Variants in SLIT3 observed in about 807,000 individuals in gnomAD.
The protein encoded by SLIT3 is slit guidance ligand 3.
Under a neutral mutation model 184.0 loss-of-function variants are expected in SLIT3, and 68 were observed. That is an observed-to-expected ratio of 0.37 (90% CI 0.30 to 0.45). The LOEUF (loss-of-function observed/expected upper bound fraction) is 0.45, where lower values mean the gene tolerates loss of function less well. SLIT3 is among the 20% of genes least tolerant of loss of function. SLIT3 has a pLI of 1.00. For synonymous variants in SLIT3, 831 were observed against 828.6 expected, an observed-to-expected ratio of 1.00 and a Z score of -0.05; for missense variants, 1,707 against 2,026.0, an observed-to-expected ratio of 0.84 and a Z score of 3.02.
chr5:169,299,369 G>C (rs1231601695), intron 1 of SLIT3, among the ~76,000 whole-genome samples: 1 of 152,148 alleles, frequency 6.6e-6, no homozygotes, highest in Non-Finnish European at 1.5e-5. Flanking sequence ...ACACACTCTA[G>C]GACAATGCTT....
At chr5:169,285,538 G>A (rs1338841039) in intron 1 of SLIT3, among the ~76,000 whole-genome samples, 1 of 152,180 alleles carries the variant, frequency 6.6e-6, no homozygotes, top group Non-Finnish European at 1.5e-5. Context: ...GGGCAAGCTT[G>A]TACTGTTCAG....
chr5:168,870,151 T>C (rs1345244922), intron 5 of SLIT3, among the ~76,000 whole-genome samples: 1 of 152,284 alleles, frequency 6.6e-6, no homozygotes, highest in Non-Finnish European at 1.5e-5. Flanking sequence ...ACCACCGTCC[T>C]GCACTCTGCA....
At chr5:168,996,583 A>C (rs1304794184) in intron 4 of SLIT3, among the ~76,000 whole-genome samples, 1 of 152,200 alleles carries the variant, frequency 6.6e-6, no homozygotes, top group Non-Finnish European at 1.5e-5. Flanking sequence ...GCCACAGTAA[A>C]TTCAGAAACA....
rs1311094125 is a variant in SLIT3 at position 169,257,494 on chromosome 5, CA to C, written c.198-6036del. ...TATTTGTTATGGCAGTCTACGCTGACAAATAAAATATCTTTGATACAATAGC... is the reference window on the plus strand; with the variant it reads ...TATTTGTTATGGCAGTCTACGCTGACAATAAAATATCTTTGATACAATAGC... On this transcript the variant is annotated intron_variant, in intron 1 of 35. Transcript: ENST00000519560. Among the ~76,000 whole-genome samples the C allele has an allele frequency of 3.7e-5, 5 of 135,712 alleles. No homozygotes were observed. The East Asian group carries it at 1.2e-3, about 33-fold the overall frequency. 89.0% of individuals were successfully genotyped at this position (135,712 alleles called of 152,430 possible). A position where few individuals can be genotyped will look rare whatever the true frequency, so the allele number is the denominator to read the frequency against.
At chr5:169,283,175 C>T (rs898497186) in intron 1 of SLIT3, among the ~76,000 whole-genome samples, 6 of 152,162 alleles carry the variant, frequency 3.9e-5, no homozygotes, top group Non-Finnish European at 8.8e-5. Context: ...TCTCATTGTG[C>T]CATTTTCTCC....
At chr5:169,167,268 C>CTTTT (rs11287374) in intron 4 of SLIT3, among the ~76,000 whole-genome samples, 66 of 90,632 alleles carry the variant, frequency 7.3e-4, no homozygotes, top group African/African-American at 1.1e-3. Context: ...GTTCTAAGCA[C>CTTTT]TTTTTTTTTT....
At position 168,824,034 on chromosome 5, in the gene SLIT3, C is replaced by T. The variant is rs112579621; in HGVS notation, c.558-703G>A. On this transcript the variant is annotated intron_variant, in intron 6 of 35. Transcript: ENST00000519560. ...CACGATCTCAGCTCACTGCAACCTC[C>T]GCCTCCCGAGTTCAAGCGATTCTCC... Among the ~76,000 whole-genome samples the T allele has an allele frequency of 9.8e-4, 149 of 152,306 alleles. 2 individuals carry two copies. The Middle Eastern group carries it at 0.017, about 17-fold the overall frequency.
intron 12 of SLIT3, among the ~76,000 whole-genome samples, chr5:168,781,391 G>C (rs1021618980): frequency 2.0e-5 from 3 of 152,138 alleles, no homozygotes; most frequent in African/African-American, 7.2e-5. Flanking sequence ...TTTAAGTGGG[G>C]TGAACCATTC....
At chr5:169,121,246 C>T (rs2113288257) in intron 4 of SLIT3, among the ~76,000 whole-genome samples, 1 of 152,324 alleles carries the variant, frequency 6.6e-6, no homozygotes, top group Admixed American at 6.5e-5. Flanking sequence ...AATTTAGGAA[C>T]TCCAATACCT....
At chr5:169,061,486 A>T (rs1758171993) in intron 4 of SLIT3, among the ~76,000 whole-genome samples, 2 of 152,194 alleles carry the variant, frequency 1.3e-5, no homozygotes, top group Admixed American at 1.3e-4. Flanking sequence ...GGCTCCCTAC[A>T]ATCCACCCAT....
At position 168,724,400 on chromosome 5, in the gene SLIT3, A is replaced by AGCCT; in HGVS notation, c.2339+15_2339+16insAGGC. 6.2e-7 allele frequency: 1 copy of AGCCT among 1,608,720 alleles called. No individual in the cohort carries two copies. The highest frequency in any genetic ancestry group is 2.2e-5 in the East Asian group (1 of 44,762). Reference sequence around the variant, plus strand: ...CAGGGAAAAATAAACATCCCACCCAATACTGGGCTCCTTACATAAGCGTCA... The same window carrying AGCCT: ...CAGGGAAAAATAAACATCCCACCCAAGCCTTACTGGGCTCCTTACATAAGCGTCA... On this transcript the variant is annotated intron_variant, in intron 21 of 35. Transcript: ENST00000519560.
At chr5:169,219,848 CT>C (rs1764564673) in intron 3 of SLIT3, among the ~76,000 whole-genome samples, 1 of 152,136 alleles carries the variant, frequency 6.6e-6, no homozygotes, top group African/African-American at 2.4e-5. Flanking sequence ...CTGAGTGTTC[CT>C]TGAGTGGCTT....
At chr5:168,958,564 A>C (rs1290655283) in intron 4 of SLIT3, among the ~76,000 whole-genome samples, 1 of 152,202 alleles carries the variant, frequency 6.6e-6, no homozygotes, top group Non-Finnish European at 1.5e-5. Context: ...CTGGTGTTCA[A>C]ACCCAGAACT....
At chr5:168,787,653 C>T (rs1336043866) in intron 11 of SLIT3, among the ~76,000 whole-genome samples, 3 of 152,106 alleles carry the variant, frequency 2.0e-5, no homozygotes, top group Non-Finnish European at 2.9e-5. Flanking sequence ...TGCCTCCCTC[C>T]CCCGCACCTC....
At chr5:168,896,156 G>A (rs990460407) in intron 4 of SLIT3, among the ~76,000 whole-genome samples, 2 of 152,202 alleles carry the variant, frequency 1.3e-5, no homozygotes, top group Admixed American at 6.5e-5. Flanking sequence ...GCTAGAAGTC[G>A]TGCCTATGGC....
intron 8 of SLIT3, among the ~76,000 whole-genome samples, chr5:168,810,745 A>T (rs1049114310): frequency 9.2e-5 from 14 of 152,170 alleles, no homozygotes; most frequent in African/African-American, 3.1e-4. Context: ...GATGACTTCA[A>T]GGGGGACAGA....
chr5:168,690,142 T>C (rs11740636), intron 29 of SLIT3, among the ~76,000 whole-genome samples: 22,610 of 150,832 alleles, frequency 0.15, 2,186 homozygotes, highest in Non-Finnish European at 0.22. Flanking sequence ...TTCTTTCTTT[T>C]TTTTTTTTTT....
intron 5 of SLIT3, among the ~76,000 whole-genome samples, chr5:168,874,841 G>A (rs956223592): frequency 2.6e-5 from 4 of 152,164 alleles, no homozygotes; most frequent in African/African-American, 9.7e-5. Flanking sequence ...GAGCACTTAT[G>A]CCATTGGCCC....
At chr5:168,751,639 C>CTT (rs1229326776) in intron 18 of SLIT3, among the ~76,000 whole-genome samples, 2 of 152,194 alleles carry the variant, frequency 1.3e-5, no homozygotes, top group African/African-American at 4.8e-5. Context: ...CACGACAGCG[C>CTT]ACTACCCGGG....
Sources: gnomAD v4.1 joint callset for allele counts (sites outside exome capture counted in the v4.1 genomes callset) on GRCh38, gnomAD v4.1.1 for gene constraint, MANE v1.5 for transcripts, NCBI Gene and HGNC (gene_info 2026-07-23, HGNC 2026-07-21) for gene names.